The following FSTL5 variants were observed in gnomAD, a reference collection of about 807,000 sequenced individuals.
FSTL5 encodes follistatin like 5, also known as follistatin-related protein 5.
Under a neutral mutation model 89.1 loss-of-function variants are expected in FSTL5, and 62 were observed. That is an observed-to-expected ratio of 0.70 (90% confidence interval 0.57 to 0.86). FSTL5 has a LOEUF of 0.86. Among genes scored for constraint, FSTL5 ranks in the 40% least tolerant of loss-of-function variants. The probability of loss-of-function intolerance (pLI) is 0.00; values close to 1 mark genes in which losing one functional copy is unlikely to be tolerated. For synonymous variants in FSTL5, 383 were observed against 346.2 expected (o/e 1.11, Z -1.18); for missense variants, 1,057 against 1,001.6 (o/e 1.06, Z -0.75).
At chr4:161,810,401 G>GA (rs1474552700) in intron 4 of FSTL5, among the ~76,000 whole-genome samples, 1 of 152,040 alleles carries the variant, frequency 6.6e-6, no homozygotes, top group African/African-American at 2.4e-5. Flanking sequence ...TGCAAGAGGG[G>GA]AAAAATGAAT....
At chr4:161,737,917 C>A (rs974130747) in intron 6 of FSTL5, among the ~76,000 whole-genome samples, 3 of 151,978 alleles carry the variant, frequency 2.0e-5, no homozygotes, top group African/African-American at 7.2e-5. Flanking sequence ...CATTCTTACT[C>A]ATTTTGAGAA....
chr4:161,571,066 G>A (rs976520329), intron 8 of FSTL5, among the ~76,000 whole-genome samples: 3 of 151,790 alleles, frequency 2.0e-5, no homozygotes, highest in Admixed American at 6.6e-5. Context: ...CCAAGATCAC[G>A]CCACTGCATT....
At chr4:161,834,421 T>G (rs1157137194) in intron 4 of FSTL5, among the ~76,000 whole-genome samples, 1 of 152,164 alleles carries the variant, frequency 6.6e-6, no homozygotes, top group Non-Finnish European at 1.5e-5. Flanking sequence ...TCACCACTCC[T>G]ATTCAACATA....
intron 4 of FSTL5, among the ~76,000 whole-genome samples, chr4:161,902,355 T>C (rs1217144401): frequency 1.3e-5 from 2 of 152,110 alleles, no homozygotes; most frequent in East Asian, 1.9e-4. Context: ...TCTGCTATAG[T>C]AGTAAGGAGA....
At chr4:161,868,690 T>C (rs1187064831) in intron 4 of FSTL5, among the ~76,000 whole-genome samples, 2 of 152,234 alleles carry the variant, frequency 1.3e-5, no homozygotes, top group African/African-American at 2.4e-5. Flanking sequence ...TTATCCATAA[T>C]AACACTTAAA....
intron 6 of FSTL5, among the ~76,000 whole-genome samples, chr4:161,661,035 TTAGTTGAACCATCGTGGA>T (rs1736689139): frequency 6.6e-6 from 1 of 152,166 alleles, no homozygotes; most frequent in Non-Finnish European, 1.5e-5. Flanking sequence ...GGAGTGTAAA[TTAGTTGAACCATCGTGGA>T]AGACGGTATG....
chr4:161,977,606 C>T (rs1158343908), intron 3 of FSTL5, among the ~76,000 whole-genome samples: 1 of 91,840 alleles, frequency 1.1e-5, no homozygotes, highest in African/African-American at 4.0e-5. Flanking sequence ...CAGCGAGACT[C>T]CGTGTCAAAA....
intron 7 of FSTL5, among the ~76,000 whole-genome samples, chr4:161,622,676 T>A (rs1191009027): frequency 1.3e-5 from 2 of 152,214 alleles, no homozygotes; most frequent in East Asian, 3.9e-4. Context: ...CACTAGCAGA[T>A]GAAGGCAAAC....
intron 6 of FSTL5, among the ~76,000 whole-genome samples, chr4:161,723,074 G>A (rs114342709): frequency 0.011 from 1,684 of 152,220 alleles, 16 homozygotes; most frequent in Non-Finnish European, 0.018. Context: ...TCTGAAATAA[G>A]AATGCATCTT....
chr4:161,841,265 T>C (rs1731204007), intron 4 of FSTL5, among the ~76,000 whole-genome samples: 1 of 152,242 alleles, frequency 6.6e-6, no homozygotes, highest in South Asian at 2.1e-4. Flanking sequence ...AAAAATATTC[T>C]AAATGAAATA....
intron 8 of FSTL5, among the ~76,000 whole-genome samples, chr4:161,546,007 CAT>C: frequency 6.6e-6 from 1 of 151,654 alleles, no homozygotes; most frequent in East Asian, 1.9e-4. Flanking sequence ...GATAGCTAAA[CAT>C]AAAAATTTAG....
intron 10 of FSTL5, among the ~76,000 whole-genome samples, chr4:161,527,339 C>A (rs1408706417): frequency 6.6e-6 from 1 of 152,028 alleles, no homozygotes; most frequent in East Asian, 1.9e-4. Context: ...AAAGAAACTA[C>A]CATCAGAGTG....
chr4:161,998,985 C>T (rs900949881), intron 3 of FSTL5, among the ~76,000 whole-genome samples: 5 of 151,842 alleles, frequency 3.3e-5, no homozygotes, highest in African/African-American at 1.2e-4. Context: ...TTAGTTGTGC[C>T]GAAACTCCAA....
intron 7 of FSTL5, among the ~76,000 whole-genome samples, chr4:161,638,867 C>A (rs1231397836): frequency 7.3e-6 from 1 of 136,272 alleles, no homozygotes; most frequent in East Asian, 2.0e-4. Flanking sequence ...TAAATGTAAT[C>A]CAGCATATAA....
intron 4 of FSTL5, among the ~76,000 whole-genome samples, chr4:161,779,807 A>ATG (rs1406430105): frequency 2.1e-4 from 12 of 58,114 alleles, no homozygotes; most frequent in African/African-American, 1.8e-3. Context: ...ATATATATAT[A>ATG]TATGTATATA....
At chr4:161,915,022 C>T (rs531436574) in intron 4 of FSTL5, among the ~76,000 whole-genome samples, 1 of 152,166 alleles carries the variant, frequency 6.6e-6, no homozygotes, top group East Asian at 1.9e-4. Flanking sequence ...ATATTGTAGC[C>T]TTAGGCAGAC....
At chr4:161,759,249 G>T (rs1433897208) in intron 6 of FSTL5, among the ~76,000 whole-genome samples, 162 bp downstream of exon 6, 1 of 152,080 alleles carries the variant, frequency 6.6e-6, no homozygotes, top group African/African-American at 2.4e-5. Context: ...GAATCCCTTA[G>T]CTTTTTCATA....
At chr4:161,472,944 C>T (rs564580343) in intron 13 of FSTL5, among the ~76,000 whole-genome samples, 26 of 152,174 alleles carry the variant, frequency 1.7e-4, no homozygotes, top group Middle Eastern at 6.8e-3. Context: ...AGGATCGTCT[C>T]GATCTCTTGA....
intron 6 of FSTL5, among the ~76,000 whole-genome samples, chr4:161,724,441 T>C (rs532075852): frequency 6.6e-6 from 1 of 152,300 alleles, no homozygotes; most frequent in East Asian, 1.9e-4. Context: ...CATTCACTCA[T>C]ATATGTACAT....
Sources: gnomAD v4.1 joint callset for allele counts (sites outside exome capture counted in the v4.1 genomes callset) on GRCh38, gnomAD v4.1.1 for gene constraint, MANE v1.5 for transcripts, NCBI Gene and HGNC (gene_info 2026-07-23, HGNC 2026-07-21) for gene names.